Variants in TXK observed in about 807,000 individuals in gnomAD.
The protein encoded by TXK is tyrosine-protein kinase TXK.
In TXK, 60 loss-of-function variants were observed where a neutral mutation model predicts 81.0. The observed-to-expected ratio is 0.74, with a 90% confidence interval of 0.60 to 0.92. TXK has a LOEUF of 0.92. Ranked by LOEUF, TXK falls within the 40% of genes least tolerant of loss-of-function variation. TXK has a pLI of 0.00. For missense variants in TXK, 581 were observed against 638.3 expected, an observed-to-expected ratio of 0.91 and a Z score of 0.97; for synonymous variants, 203 against 210.7, an observed-to-expected ratio of 0.96 and a Z score of 0.32.
intron 1 of TXK, among the ~76,000 whole-genome samples, chr4:48,119,521 G>A (rs1011406580): frequency 6.6e-6 from 1 of 151,982 alleles, no homozygotes; most frequent in East Asian, 1.9e-4. Flanking sequence ...TGCTCCCCCC[G>A]ATTTCTCTCT....
At chr4:48,091,220 A>G (rs1478897924) in intron 8 of TXK, among the ~76,000 whole-genome samples, 1 of 152,246 alleles carries the variant, frequency 6.6e-6, no homozygotes, top group Non-Finnish European at 1.5e-5. Flanking sequence ...GAAATGACTG[A>G]GATGAAACTA....
chr4:48,118,931 C>T (rs749256981), intron 1 of TXK, among the ~76,000 whole-genome samples: 1 of 152,102 alleles, frequency 6.6e-6, no homozygotes, highest in Non-Finnish European at 1.5e-5. Flanking sequence ...GGACTAATTA[C>T]AAAGAAGTGA....
At chr4:48,096,275 C>T (rs1001457575) in intron 6 of TXK, among the ~76,000 whole-genome samples, 1 of 152,052 alleles carries the variant, frequency 6.6e-6, no homozygotes, top group African/African-American at 2.4e-5. Flanking sequence ...ACAGAGGACA[C>T]AAGATGTAAA....
At chr4:48,087,695 A>G (rs2109422549) in intron 9 of TXK, among the ~76,000 whole-genome samples, 1 of 152,274 alleles carries the variant, frequency 6.6e-6, no homozygotes, top group Admixed American at 6.5e-5. Flanking sequence ...TCAGTCTCCC[A>G]AAGTGCTGGG....
At chr4:48,134,070 GAA>G (rs533241729) in intron 1 of TXK, 83 bp downstream of exon 1, 14 of 1,356,168 alleles carry the variant, frequency 1.0e-5, no homozygotes, top group Middle Eastern at 1.9e-4. Context: ...CTATGCCTTG[GAA>G]AAAAAAAACT....
intron 9 of TXK, 137 bp from the exon 10 acceptor site, chr4:48,086,774 TTTAATACTC>T: frequency 1.4e-6 from 1 of 729,402 alleles, no homozygotes; most frequent in Non-Finnish European, 2.2e-6. Flanking sequence ...ATGAAGCCAT[TTTAATACTC>T]TCACTGTGGC....
chr4:48,120,577 G>A (rs532788915), intron 1 of TXK, among the ~76,000 whole-genome samples: 1 of 150,874 alleles, frequency 6.6e-6, no homozygotes, highest in African/African-American at 2.4e-5. Context: ...TGCAATCTCC[G>A]GCTCCCAGGT....
rs548460227 is a variant in TXK, at chr4:48,107,274, T to C, written c.447-2319A>G. 2.6e-5 allele frequency among the ~76,000 whole-genome samples: 4 copies of C among 151,974 alleles called. No individual in the cohort carries two copies. The East Asian group carries it at 5.8e-4, about 22-fold the overall frequency. On this transcript the variant is annotated intron_variant, in intron 5 of 14. Coordinates refer to ENST00000264316, the MANE Select transcript of TXK (RefSeq NM_003328.3). Reference sequence around the variant, plus strand: ...AAAACTAGGTTTTTCCATTGTAATATTGATAATTCGGATATTCATTTAAAG... The same window carrying C: ...AAAACTAGGTTTTTCCATTGTAATACTGATAATTCGGATATTCATTTAAAG...
intron 1 of TXK, among the ~76,000 whole-genome samples, chr4:48,130,223 A>C (rs1334245622): frequency 6.6e-6 from 1 of 152,128 alleles, no homozygotes; most frequent in African/African-American, 2.4e-5. Flanking sequence ...TTTGCCACAC[A>C]CTTAGTTATC....
chr4:48,077,077 G>T (rs566358780), intron 11 of TXK, among the ~76,000 whole-genome samples: 1 of 151,870 alleles, frequency 6.6e-6, no homozygotes, highest in African/African-American at 2.4e-5. Flanking sequence ...TCTCTAATAC[G>T]TAATAAAAAT....
intron 11 of TXK, among the ~76,000 whole-genome samples, chr4:48,078,620 C>T (rs1206022337): frequency 1.3e-5 from 2 of 152,176 alleles, no homozygotes; most frequent in Non-Finnish European, 2.9e-5. Context: ...GGAAGCAGTG[C>T]TCTTAGCATA....
At chr4:48,134,070 GA>G (rs533241729) in intron 1 of TXK, 84 bp downstream of exon 1, 465 of 1,353,640 alleles carry the variant, frequency 3.4e-4, no homozygotes, top group Middle Eastern at 7.5e-4. Context: ...CTATGCCTTG[GA>G]AAAAAAAAAC....
intron 5 of TXK, among the ~76,000 whole-genome samples, chr4:48,107,852 G>C (rs1265078554): frequency 6.7e-6 from 1 of 150,156 alleles, no homozygotes; most frequent in East Asian, 1.9e-4. Context: ...CACGGGGTTA[G>C]GAGATTGAGA....
chr4:48,113,400 T>C, intron 2 of TXK, 91 bp from the exon 3 acceptor site: 2 of 977,562 alleles, frequency 2.0e-6, no homozygotes, highest in Non-Finnish European at 3.1e-6. Context: ...AGCAGAAAAA[T>C]CCAGGTCTCT....
chr4:48,069,559 C>G (rs1716755241), intron 14 of TXK, among the ~76,000 whole-genome samples: 1 of 152,026 alleles, frequency 6.6e-6, no homozygotes, highest in Admixed American at 6.5e-5. Context: ...AACTCCCAGC[C>G]TCGTGATTCG....
At chr4:48,121,086 C>T (rs1718945596) in intron 1 of TXK, among the ~76,000 whole-genome samples, 1 of 152,166 alleles carries the variant, frequency 6.6e-6, no homozygotes. Flanking sequence ...CTTTTGATTT[C>T]TTCTTTTCTT....
chr4:48,073,840 A>T, intron 13 of TXK, 95 bp downstream of exon 13: 1 of 847,972 alleles, frequency 1.2e-6, no homozygotes, highest in Non-Finnish European at 1.9e-6. Context: ...GACTTTTTAA[A>T]AAATGCTATA....
chr4:48,102,194 G>T (rs1718219691), intron 6 of TXK, among the ~76,000 whole-genome samples: 2 of 152,088 alleles, frequency 1.3e-5, no homozygotes, highest in South Asian at 4.1e-4. Flanking sequence ...GGCCAGTCTG[G>T]TCTCAAACTC....
In TXK at chr4:48,120,639, T is replaced by C. The variant is rs143125488; in HGVS notation, c.17-6237A>G. On this transcript the variant is annotated intron_variant, in intron 1 of 14. Transcript: ENST00000264316. Reference sequence around the variant, plus strand: ...CAGAGTACCTGGGATTACAGACACCTGTCACCATGCCCGGCTAATTTTTGT... The same window carrying C: ...CAGAGTACCTGGGATTACAGACACCCGTCACCATGCCCGGCTAATTTTTGT... Among the ~76,000 whole-genome samples the C allele has an allele frequency of 3.1e-3, 476 of 152,112 alleles. 3 individuals are homozygous for C. The highest frequency in any genetic ancestry group is 0.011 in the African/African-American group (449 of 41,508).
Sources: allele counts gnomAD v4.1 joint callset (sites outside exome capture counted in the v4.1 genomes callset), GRCh38; gene constraint gnomAD v4.1.1; transcripts MANE v1.5; gene names NCBI Gene and HGNC (gene_info 2026-07-23, HGNC 2026-07-21).